TRMT2B: variants seen among roughly 807,000 people sequenced by gnomAD.
TRMT2B encodes the protein tRNA (uracil-5-)-methyltransferase homolog B.
TRMT2B carries 34 observed loss-of-function variants against 39.7 expected under a neutral mutation model. The ratio of observed to expected loss-of-function variants is 0.86; its 90% CI spans 0.65 to 1.14. The LOEUF (loss-of-function observed/expected upper bound fraction) is 1.14. Ranked by LOEUF, TRMT2B falls within the 50% of genes most tolerant of loss-of-function variation. The pLI, the probability that TRMT2B is intolerant of heterozygous loss-of-function variation, is 0.00. For missense variants in TRMT2B, 318 were observed against 377.2 expected (o/e 0.84, Z 1.30); for synonymous variants, 132 against 137.3 (o/e 0.96, Z 0.27).
the TRMT2B span, among the ~76,000 whole-genome samples, chrX:100,976,553 G>A: frequency 5.4e-5 from 6 of 111,607 alleles, no homozygotes; most frequent in African/African-American, 6.5e-5. Context: ...GTTGCTCTGT[G>A]CCCAAAATTG....
chrX:101,008,371 C>T (rs962970519), downstream of TRMT2B, among the ~76,000 whole-genome samples: 10 of 111,333 alleles, frequency 9.0e-5, no homozygotes, highest in Non-Finnish European at 1.5e-4. Context: ...TACCATAAAC[C>T]AACACTTTCG....
At chrX:100,987,679 C>A in the TRMT2B span, 1 of 784,152 alleles carries the variant, frequency 1.3e-6, no homozygotes, top group Non-Finnish European at 1.8e-6. Flanking sequence ...CTCTTGATAT[C>A]ATTGGCTCAA....
At chrX:100,974,269 C>T in the TRMT2B span, 2 of 842,271 alleles carry the variant, frequency 2.4e-6, no homozygotes, top group Admixed American at 2.7e-5. Context: ...AATAATCCTT[C>T]CTTCCTAGCA....
the TRMT2B span, chrX:100,973,530 GAC>G: frequency 1.1e-6 from 1 of 937,829 alleles, no homozygotes; most frequent in South Asian, 2.4e-5. Flanking sequence ...GACATTTATA[GAC>G]ACAGTTGGAT....
intron 2 of TRMT2B, among the ~76,000 whole-genome samples, chrX:101,043,856 A>T (rs1022983174): frequency 3.6e-5 from 4 of 112,494 alleles, no homozygotes; most frequent in Non-Finnish European, 7.5e-5. Flanking sequence ...AAGAATGTTC[A>T]TGCCTGAATA....
intron 2 of TRMT2B, among the ~76,000 whole-genome samples, chrX:101,045,129 C>T (rs1210496460): frequency 9.2e-6 from 1 of 108,920 alleles, no homozygotes; most frequent in Non-Finnish European, 1.9e-5. Context: ...TCGAAACAAG[C>T]CTGAGCAATA....
chrX:100,977,921 G>C, the TRMT2B span, among the ~76,000 whole-genome samples: 4 of 111,780 alleles, frequency 3.6e-5, no homozygotes, highest in East Asian at 1.1e-3. Flanking sequence ...TGGACTCTTA[G>C]GTTGCTTCCA....
Position 101,023,487 on chromosome X carries a change from G to C in TRMT2B, c.739C>G (p.Pro247Ala). 1 of 1,208,677 alleles carries C rather than the reference G, an allele frequency of 8.3e-7. No individual in the cohort carries two copies. Among genetic ancestry groups the C allele is most frequent in the Non-Finnish European group, 1.1e-6 (1 of 892,977 alleles). ...GHTMAIITFH[P>A]QKLSQEELHV... ...AGGCTCACCTGACTTAATTTCTGGG[G>C]ATGGAAAGTGATGATAGCCATTGTG... is the stretch of plus-strand genomic sequence containing the variant. The change falls in exon 8 of 14, where the codon CCC becomes GCC. Residue 247 changes from proline (P) to alanine (A), a missense_variant. Coordinates refer to ENST00000372936, the MANE Select transcript of TRMT2B (RefSeq NM_024917.6).
At chrX:101,045,624 CA>C (rs1467986177) in intron 2 of TRMT2B, among the ~76,000 whole-genome samples, 1 of 104,812 alleles carries the variant, frequency 9.5e-6, no homozygotes, top group Non-Finnish European at 1.9e-5. Context: ...ACAAAACAAA[CA>C]AACAAACAAA....
rs185992253 is a variant in TRMT2B, at chrX:101,045,048, G to A, written c.-23-2736C>T. Among the ~76,000 whole-genome samples, 637 of 105,334 alleles carry A rather than the reference G, an allele frequency of 6.0e-3. 5 individuals are homozygous for A. Among genetic ancestry groups the A allele is most frequent in the African/African-American group, 0.021 (608 of 28,997 alleles). 91.5% of individuals were successfully genotyped at this position (105,334 alleles called of 115,157 possible). A position where few individuals can be genotyped will look rare whatever the true frequency, so the allele number is the denominator to read the frequency against. On this transcript the variant is annotated intron_variant, in intron 2 of 13. Transcript: ENST00000372936. The stretch of plus-strand genomic sequence containing the variant: ...TCTGTCTCAAAAAAAAAAGGGGGGG[G>A]TGGGGTGCTCATGTCTGTAATCCCA...
chrX:101,002,056 AATGC>A, the TRMT2B span, among the ~76,000 whole-genome samples: 2 of 111,288 alleles, frequency 1.8e-5, no homozygotes, highest in Non-Finnish European at 3.8e-5. Flanking sequence ...ACCACTTGCA[AATGC>A]ATGGGGTTTA....
At chrX:100,985,712 C>T in the TRMT2B span, 10 of 1,210,891 alleles carry the variant, frequency 8.3e-6, no homozygotes, top group South Asian at 1.1e-4. Flanking sequence ...GAACTGACTA[C>T]ACTTTTGTTA....
chrX:100,995,463 G>GTACT, the TRMT2B span, among the ~76,000 whole-genome samples: 1 of 111,997 alleles, frequency 8.9e-6, no homozygotes, highest in African/African-American at 3.2e-5. Flanking sequence ...CAGGGGGAAT[G>GTACT]TACTTCCACC....
chrX:100,982,655 T>C, the TRMT2B span, among the ~76,000 whole-genome samples: 2 of 102,115 alleles, frequency 2.0e-5, no homozygotes, highest in Admixed American at 2.1e-4. Context: ...TTTTCTTTTT[T>C]TTTTTTTTTT....
the TRMT2B span, chrX:100,974,303 C>T: frequency 1.7e-6 from 1 of 600,335 alleles, no homozygotes; most frequent in Admixed American, 2.8e-5. Context: ...CTCAATTTCC[C>T]TCTTTTTGTG....
At chrX:101,034,303 G>A (rs2087698305) in intron 7 of TRMT2B, among the ~76,000 whole-genome samples, 3 of 107,597 alleles carry the variant, frequency 2.8e-5, no homozygotes, top group South Asian at 8.2e-4. Flanking sequence ...CACTACGCTC[G>A]GCTAATTTTT....
chrX:101,049,168 G>A (rs1354500208), intron 2 of TRMT2B, among the ~76,000 whole-genome samples: 1 of 111,026 alleles, frequency 9.0e-6, no homozygotes, highest in Non-Finnish European at 1.9e-5. Flanking sequence ...TGAGGTTATG[G>A]CCTGTGCTGG....
At chrX:101,008,199 G>A (rs138570134), downstream of TRMT2B, among the ~76,000 whole-genome samples, 50 of 111,719 alleles carry the variant, frequency 4.5e-4, no homozygotes, top group East Asian at 6.4e-3. Flanking sequence ...GAATGAAAAG[G>A]AACTCTGTTT....
the TRMT2B span, chrX:100,985,821 C>T: frequency 6.2e-4 from 746 of 1,209,816 alleles, no homozygotes; most frequent in Non-Finnish European, 7.8e-4. Flanking sequence ...TTGTTTTCGT[C>T]CTGGATTCCA....
Sources: allele counts gnomAD v4.1 joint callset (sites outside exome capture counted in the v4.1 genomes callset), GRCh38; gene constraint gnomAD v4.1.1; transcripts MANE v1.5; gene names NCBI Gene and HGNC (gene_info 2026-07-23, HGNC 2026-07-21).